The following EPHA6 variants were observed in gnomAD, a reference collection of about 807,000 sequenced individuals.
The protein encoded by EPHA6 is EPH receptor A6, also known as ephrin type-A receptor 6.
A neutral mutation model predicts 112.0 loss-of-function variants in EPHA6; 50 were observed. That is an observed-to-expected ratio of 0.45 (90% CI 0.36 to 0.56). The LOEUF is 0.56. Ranked by LOEUF, EPHA6 falls within the 20% of genes least tolerant of loss-of-function variation. The probability of loss-of-function intolerance (pLI) is 0.00; values close to 1 mark genes in which losing one functional copy is unlikely to be tolerated. For synonymous variants in EPHA6, 529 were observed against 490.7 expected, an observed-to-expected ratio of 1.08 and a Z score of -1.03; for missense variants, 1,280 against 1,417.4, an observed-to-expected ratio of 0.90 and a Z score of 1.56.
At chr3:97,728,679 GAGTCC>G (rs2034892512) in intron 15 of EPHA6, among the ~76,000 whole-genome samples, 2 of 152,134 alleles carry the variant, frequency 1.3e-5, no homozygotes, top group South Asian at 2.1e-4. Flanking sequence ...ATTGCAGACA[GAGTCC>G]AGTCCTCTTT....
At chr3:96,874,817 C>A (rs1368265897) in intron 2 of EPHA6, among the ~76,000 whole-genome samples, 2 of 152,076 alleles carry the variant, frequency 1.3e-5, no homozygotes, top group African/African-American at 4.8e-5. Context: ...CCAGAAACAT[C>A]TGCCGTAAAG....
chr3:96,939,969 AGTTT>A (rs2040841926), intron 2 of EPHA6, among the ~76,000 whole-genome samples: 1 of 152,068 alleles, frequency 6.6e-6, no homozygotes, highest in South Asian at 2.1e-4. Context: ...TCTGAGAGAC[AGTTT>A]GTTATAATTT....
intron 5 of EPHA6, among the ~76,000 whole-genome samples, chr3:97,295,572 T>G (rs1213474504): frequency 1.3e-5 from 2 of 152,004 alleles, no homozygotes; most frequent in Non-Finnish European, 1.5e-5. Flanking sequence ...TTTTTTACTT[T>G]TATCAATTTA....
At chr3:97,256,164 A>C (rs893071984) in intron 5 of EPHA6, among the ~76,000 whole-genome samples, 4 of 152,056 alleles carry the variant, frequency 2.6e-5, no homozygotes, top group African/African-American at 9.7e-5. Flanking sequence ...ACTTTTCACA[A>C]TGAATGTTTC....
chr3:97,306,266 C>G (rs1042823081), intron 5 of EPHA6, among the ~76,000 whole-genome samples: 3 of 145,668 alleles, frequency 2.1e-5, no homozygotes, highest in Non-Finnish European at 1.5e-5. Flanking sequence ...AGAGGGGAAA[C>G]AATGTAATCA....
chr3:97,414,113 A>G (rs753754429), intron 6 of EPHA6, among the ~76,000 whole-genome samples: 47 of 152,068 alleles, frequency 3.1e-4, no homozygotes, highest in Non-Finnish European at 5.3e-4. Context: ...ACTCCCTTCA[A>G]TCTGAAAATC....
chr3:97,133,624 A>T (rs531460918), intron 3 of EPHA6, among the ~76,000 whole-genome samples: 2 of 152,188 alleles, frequency 1.3e-5, no homozygotes, highest in African/African-American at 4.8e-5. Flanking sequence ...TATTTTGTAA[A>T]CTATATCTGA....
intron 5 of EPHA6, among the ~76,000 whole-genome samples, chr3:97,403,478 A>G (rs977449188): frequency 4.6e-5 from 7 of 152,020 alleles, no homozygotes; most frequent in African/African-American, 1.2e-4. Flanking sequence ...ACGGAGTCTC[A>G]CTCTGTCGCC....
rs1037525269 is a variant in EPHA6, at chr3:97,757,886, C to T, written c.*9185C>T. Among the ~76,000 whole-genome samples the T allele has an allele frequency of 1.3e-5, 2 of 151,800 alleles. No homozygotes were observed. The highest frequency in any genetic ancestry group is 2.4e-5 in the African/African-American group (1 of 41,404). ...ATTATGCTTGAAAGTTTCCAACTCT[C>T]AAATAAGTTGAAACCAAGTGTCATA... On this transcript the variant is annotated 3_prime_UTR_variant, in exon 18 of 18. Coordinates refer to ENST00000389672, the MANE Select transcript of EPHA6 (RefSeq NM_001080448.3).
intron 5 of EPHA6, among the ~76,000 whole-genome samples, chr3:97,301,404 C>T (rs923212022): frequency 1.3e-5 from 2 of 152,154 alleles, no homozygotes; most frequent in Non-Finnish European, 1.5e-5. Context: ...TTAACAAACA[C>T]ATAGTTCTTA....
chr3:96,882,891 G>A (rs1365453800), intron 2 of EPHA6, among the ~76,000 whole-genome samples: 1 of 152,132 alleles, frequency 6.6e-6, no homozygotes, highest in Non-Finnish European at 1.5e-5. Flanking sequence ...ATAAACATGC[G>A]TGTGCGAGTA....
chr3:97,646,266 G>C (rs2094061700), intron 14 of EPHA6: 2 of 1,533,250 alleles, frequency 1.3e-6, no homozygotes, highest in East Asian at 4.9e-5. Flanking sequence ...GGGAGCCAGT[G>C]GCCAGACCAG....
At chr3:97,745,320 A>G (rs575009014) in intron 16 of EPHA6, 2 of 445,572 alleles carry the variant, frequency 4.5e-6, no homozygotes, top group Non-Finnish European at 9.0e-6. Context: ...ATGCTATGAT[A>G]GCTTTCCAAT....
chr3:97,581,373 G>A (rs1490321986), intron 11 of EPHA6, among the ~76,000 whole-genome samples: 1 of 152,206 alleles, frequency 6.6e-6, no homozygotes, highest in South Asian at 2.1e-4. Flanking sequence ...CAAAACATGG[G>A]TACATGTTGT....
chr3:96,948,879 C>T (rs1177856885), intron 2 of EPHA6, among the ~76,000 whole-genome samples: 1 of 152,144 alleles, frequency 6.6e-6, no homozygotes, highest in African/African-American at 2.4e-5. Context: ...ATTGCTTGAA[C>T]TGAGATTGGC....
At chr3:97,196,257 G>A (rs2077438874) in intron 3 of EPHA6, among the ~76,000 whole-genome samples, 1 of 151,442 alleles carries the variant, frequency 6.6e-6, no homozygotes, top group Non-Finnish European at 1.5e-5. Flanking sequence ...ATCAGTTCTG[G>A]TGTTGAGAGA....
chr3:97,078,465 T>A (rs1358572304), intron 3 of EPHA6, among the ~76,000 whole-genome samples: 1 of 152,164 alleles, frequency 6.6e-6, no homozygotes, highest in African/African-American at 2.4e-5. Context: ...ATGAAGTCCT[T>A]GCCCATGCCT....
intron 2 of EPHA6, among the ~76,000 whole-genome samples, chr3:96,909,085 T>C (rs2039082144): frequency 6.6e-6 from 1 of 152,018 alleles, no homozygotes; most frequent in African/African-American, 2.4e-5. Flanking sequence ...TAGATCCATA[T>C]GATATTTTTC....
rs138283587 is a variant in EPHA6 at position 96,854,078 on chromosome 3, T to C, written c.386-12747T>C. 2.1e-3 allele frequency among the ~76,000 whole-genome samples: 323 copies of C among 151,994 alleles called. 2 individuals are homozygous for C. Among genetic ancestry groups the C allele is most frequent in the African/African-American group, 7.7e-3 (318 of 41,488 alleles). On this transcript the variant is annotated intron_variant, in intron 1 of 17. Coordinates refer to ENST00000389672, the MANE Select transcript of EPHA6 (RefSeq NM_001080448.3). ...TTATTATAAATTCCTCACCTACTCA[T>C]AATTGTGATATTTTATATATTTTCC...
Sources: gnomAD v4.1 joint callset for allele counts (sites outside exome capture counted in the v4.1 genomes callset) on GRCh38, gnomAD v4.1.1 for gene constraint, MANE v1.5 for transcripts, NCBI Gene and HGNC (gene_info 2026-07-23, HGNC 2026-07-21) for gene names.